The following MARCHF1 variants were observed in gnomAD, a reference collection of about 807,000 sequenced individuals.
MARCHF1 encodes membrane associated ring-CH-type finger 1.
In MARCHF1, 40 loss-of-function variants were observed where a neutral mutation model predicts 54.2. The observed-to-expected ratio is 0.74, with a 90% CI of 0.57 to 0.96. The LOEUF (loss-of-function observed/expected upper bound fraction) is 0.96, where lower values mean the gene tolerates loss of function less well. MARCHF1 is among the 40% of genes least tolerant of loss of function. MARCHF1 has a pLI of 0.00. For missense variants in MARCHF1, 586 were observed against 656.5 expected (o/e 0.89, Z 1.17); for synonymous variants, 236 against 236.3 (o/e 1.00, Z 0.01).
chr4:163,643,327 C>CAAAAATAAAAAAAAAATAAAAATAAAAAT (rs1742630761), intron 5 of MARCHF1, among the ~76,000 whole-genome samples: 1 of 138,012 alleles, frequency 7.2e-6, no homozygotes, highest in Non-Finnish European at 1.6e-5. Flanking sequence ...GACCCTGTCT[C>CAAAAATAAAAAAAAAATAAAAATAAAAAT]AAAAATAAAA....
chr4:163,784,330 G>A (rs1430157795), intron 4 of MARCHF1, among the ~76,000 whole-genome samples: 1 of 152,058 alleles, frequency 6.6e-6, no homozygotes, highest in Admixed American at 6.6e-5. Flanking sequence ...GGTTCCATGG[G>A]CCAGGGCATT....
intron 3 of MARCHF1, among the ~76,000 whole-genome samples, chr4:163,947,142 G>A (rs537839138): frequency 1.1e-4 from 17 of 152,210 alleles, no homozygotes; most frequent in South Asian, 2.1e-4. Flanking sequence ...ATTGTACTTC[G>A]TGGCAAATTT....
chr4:164,311,400 T>C (rs865980998), intron 1 of MARCHF1, among the ~76,000 whole-genome samples: 2 of 152,180 alleles, frequency 1.3e-5, no homozygotes, highest in Non-Finnish European at 2.9e-5. Flanking sequence ...AAATGAGAGA[T>C]ACAATTAGCT....
intron 4 of MARCHF1, among the ~76,000 whole-genome samples, chr4:163,710,724 A>G (rs1361009932): frequency 6.6e-6 from 1 of 152,134 alleles, no homozygotes; most frequent in Non-Finnish European, 1.5e-5. Context: ...TCATTGGCTA[A>G]ATTGTCAAAG....
intron 5 of MARCHF1, among the ~76,000 whole-genome samples, chr4:163,676,334 G>A (rs1743919059): frequency 6.7e-6 from 1 of 148,914 alleles, no homozygotes; most frequent in Non-Finnish European, 1.5e-5. Flanking sequence ...TCCAGCCTGG[G>A]CAACAAGAGC....
At chr4:164,320,149 T>G (rs1220494564) in intron 1 of MARCHF1, among the ~76,000 whole-genome samples, 1 of 152,178 alleles carries the variant, frequency 6.6e-6, no homozygotes, top group Non-Finnish European at 1.5e-5. Context: ...CAGACACTAT[T>G]TTAGGTGCTG....
At chr4:163,737,163 TC>T (rs779258014) in intron 4 of MARCHF1, among the ~76,000 whole-genome samples, 2,527 of 91,322 alleles carry the variant, frequency 0.028, 263 homozygotes, top group African/African-American at 0.082. Flanking sequence ...CTTTTTTCTT[TC>T]TTTTTTTTTT....
chr4:164,197,556 T>C, intron 1 of MARCHF1: 1 of 1,613,382 alleles, frequency 6.2e-7, no homozygotes, highest in Non-Finnish European at 8.5e-7. Context: ...AGGTGAGGCC[T>C]CCGTTGATTT....
In MARCHF1 at chr4:164,188,986, G is replaced by A. The variant is rs1731051885; in HGVS notation, c.-322-77324C>T. 4.2e-6 allele frequency: 3 copies of A among 715,810 alleles called. No homozygotes were observed. In the Admixed American group the frequency reaches 5.8e-5, roughly 14 times the overall value. The allele number at this position is 715,810 out of a possible 1,614,324, so 44.3% of individuals were successfully genotyped here. ...TTATGAGGATCATTAACGAGCCTAT[G>A]GCAGCTGCTATTGGTTATGGCCTGG... On this transcript the variant is annotated intron_variant, in intron 1 of 9. Transcript: ENST00000514618.
At chr4:163,887,659 G>A (rs2111260214) in intron 3 of MARCHF1, among the ~76,000 whole-genome samples, 1 of 151,824 alleles carries the variant, frequency 6.6e-6, no homozygotes, top group Admixed American at 6.6e-5. Flanking sequence ...CTGGAGAGTT[G>A]TATTCCAAGG....
chr4:164,131,004 T>C (rs967819026), intron 1 of MARCHF1, among the ~76,000 whole-genome samples: 2 of 152,162 alleles, frequency 1.3e-5, no homozygotes, highest in African/African-American at 2.4e-5. Flanking sequence ...CCTGACTCAT[T>C]CCCCTCTTTG....
chr4:164,025,588 A>T (rs1560867623), intron 2 of MARCHF1, among the ~76,000 whole-genome samples: 2 of 152,032 alleles, frequency 1.3e-5, no homozygotes, highest in Non-Finnish European at 1.5e-5. Context: ...TAAGCATGTT[A>T]AAAGTTTATA....
intron 4 of MARCHF1, among the ~76,000 whole-genome samples, chr4:163,836,873 A>G (rs1749202774): frequency 6.6e-6 from 1 of 151,792 alleles, no homozygotes; most frequent in African/African-American, 2.4e-5. Flanking sequence ...TCACAGAGTA[A>G]CTGGAGAAAA....
intron 1 of MARCHF1, among the ~76,000 whole-genome samples, chr4:164,112,443 T>C (rs1755853596): frequency 6.6e-6 from 1 of 151,342 alleles, no homozygotes; most frequent in South Asian, 2.1e-4. Flanking sequence ...TGTAGAATGA[T>C]CACAAGAAAG....
chr4:163,715,016 T>C (rs1561034382), intron 4 of MARCHF1, among the ~76,000 whole-genome samples: 1 of 152,168 alleles, frequency 6.6e-6, no homozygotes, highest in African/African-American at 2.4e-5. Flanking sequence ...ATTTATTTGA[T>C]TTTATTTTTA....
intron 5 of MARCHF1, among the ~76,000 whole-genome samples, chr4:163,633,526 C>T (rs571309945): frequency 7.9e-5 from 12 of 151,982 alleles, no homozygotes; most frequent in African/African-American, 1.7e-4. Flanking sequence ...TGAAATGAAG[C>T]GAGAAGGGAA....
At chr4:164,092,944 A>G (rs1755335310) in intron 2 of MARCHF1, among the ~76,000 whole-genome samples, 1 of 152,164 alleles carries the variant, frequency 6.6e-6, no homozygotes, top group South Asian at 2.1e-4. Flanking sequence ...TCCTATGAAT[A>G]GAAGACCACA....
intron 2 of MARCHF1, among the ~76,000 whole-genome samples, chr4:164,037,392 T>C (rs1012195953): frequency 7.2e-5 from 11 of 152,184 alleles, no homozygotes; most frequent in Non-Finnish European, 1.5e-4. Context: ...TTAAGAAGCA[T>C]GAATATATTA....
chr4:163,632,788 G>C (rs978409714), intron 5 of MARCHF1, among the ~76,000 whole-genome samples: 7 of 152,226 alleles, frequency 4.6e-5, no homozygotes, highest in African/African-American at 1.4e-4. Flanking sequence ...TCAACCTCTG[G>C]GGGCAGGTCA....
Sources: allele counts gnomAD v4.1 joint callset (sites outside exome capture counted in the v4.1 genomes callset), GRCh38; gene constraint gnomAD v4.1.1; transcripts MANE v1.5; gene names NCBI Gene and HGNC (gene_info 2026-07-23, HGNC 2026-07-21).